Variants in DYTN observed in about 807,000 individuals in gnomAD.
DYTN encodes dystrotelin.
In DYTN, 75 loss-of-function variants were observed where a neutral mutation model predicts 69.6. The observed-to-expected ratio is 1.08, with a 90% CI of 0.89 to 1.31. The LOEUF (loss-of-function observed/expected upper bound fraction) is 1.31, where lower values mean the gene tolerates loss of function less well. DYTN is among the 50% of genes most tolerant of loss of function. DYTN has a pLI of 0.00. For missense variants in DYTN, 726 were observed against 688.4 expected, an observed-to-expected ratio of 1.05 and a Z score of -0.61; for synonymous variants, 252 against 249.1, an observed-to-expected ratio of 1.01 and a Z score of -0.11.
At chr2:206,662,275 A>G (rs1364071667) in intron 11 of DYTN, among the ~76,000 whole-genome samples, 3 of 152,220 alleles carry the variant, frequency 2.0e-5, no homozygotes, top group East Asian at 1.9e-4. Context: ...CTACCTAACA[A>G]TATTTTCAAC....
intron 11 of DYTN, among the ~76,000 whole-genome samples, chr2:206,653,049 G>A (rs1699405978): frequency 6.6e-6 from 1 of 152,012 alleles, no homozygotes; most frequent in Non-Finnish European, 1.5e-5. Context: ...GCTGTTTTTT[G>A]TTGAACATAA....
chr2:206,677,676 C>T (rs1051856340), intron 9 of DYTN, among the ~76,000 whole-genome samples: 1 of 151,934 alleles, frequency 6.6e-6, no homozygotes, highest in Non-Finnish European at 1.5e-5. Flanking sequence ...AAAGAAATTA[C>T]AAAGAAAAAG....
chr2:206,692,289 C>A (rs112177595), intron 9 of DYTN, among the ~76,000 whole-genome samples: 10 of 150,172 alleles, frequency 6.7e-5, no homozygotes, highest in African/African-American at 2.2e-4. Flanking sequence ...AAAAGTGTTT[C>A]TCTCCTTTAT....
chr2:206,655,416 T>G (rs1310952599), intron 11 of DYTN, among the ~76,000 whole-genome samples: 1 of 151,828 alleles, frequency 6.6e-6, no homozygotes, highest in Admixed American at 6.6e-5. Flanking sequence ...CAGCTAAATT[T>G]TCTTTTTCTT....
intron 7 of DYTN, among the ~76,000 whole-genome samples, chr2:206,698,494 C>A (rs1418993745): frequency 6.6e-6 from 1 of 152,172 alleles, no homozygotes; most frequent in Admixed American, 6.5e-5. Context: ...CGGGAACCCT[C>A]AGTTTTGCCT....
chr2:206,716,701 A>C (rs897524913), intron 1 of DYTN, among the ~76,000 whole-genome samples: 1 of 152,128 alleles, frequency 6.6e-6, no homozygotes, highest in Non-Finnish European at 1.5e-5. Flanking sequence ...AATAATTTAC[A>C]ATAGTGTAAT....
At chr2:206,707,791 T>TA (rs1453085017) in intron 2 of DYTN, among the ~76,000 whole-genome samples, 1 of 152,076 alleles carries the variant, frequency 6.6e-6, no homozygotes, top group Non-Finnish European at 1.5e-5. Flanking sequence ...AGAAAGAAGT[T>TA]AAAAAGGGAA....
chr2:206,652,326 ATACTGATGCGGCTAG>A (rs1699396628), intron 11 of DYTN, among the ~76,000 whole-genome samples: 1 of 152,142 alleles, frequency 6.6e-6, no homozygotes, highest in Admixed American at 6.5e-5. Flanking sequence ...TTCCCAGGTG[ATACTGATGCGGCTAG>A]TCCAGACACC....
chr2:206,652,003 A>T, intron 11 of DYTN, 82 bp from the exon 12 acceptor site: 1 of 1,252,698 alleles, frequency 8.0e-7, no homozygotes, highest in Non-Finnish European at 1.1e-6. Context: ...TCTCACATGG[A>T]GAAGAAACAG....
rs567071927 is a variant in DYTN, at chr2:206,684,140, AT to A, written c.980+9034del. Among the ~76,000 whole-genome samples the A allele has an allele frequency of 2.6e-3, 395 of 151,786 alleles. 1 individual carries two copies. Among genetic ancestry groups the A allele is most frequent in the Non-Finnish European group, 4.8e-3 (325 of 67,946 alleles). On this transcript the variant is annotated intron_variant, in intron 9 of 11. Transcript: ENST00000452335. ...CATTCAATAAACTTATTGAATAAAT[AT>A]TTTTCAGTGTATTTTCTGAAAATTC...
intron 9 of DYTN, among the ~76,000 whole-genome samples, chr2:206,673,710 C>T (rs757254722): frequency 8.5e-5 from 13 of 152,310 alleles, no homozygotes; most frequent in Admixed American, 2.6e-4. Context: ...TTAAAGATGA[C>T]AGGGTTGAAT....
At chr2:206,655,363 A>G (rs1240263257) in intron 11 of DYTN, among the ~76,000 whole-genome samples, 1 of 150,892 alleles carries the variant, frequency 6.6e-6, no homozygotes, top group Admixed American at 6.6e-5. Context: ...CTCTTGTCTC[A>G]GTCTCTTGAG....
chr2:206,692,057 T>A (rs1436689904), intron 9 of DYTN, among the ~76,000 whole-genome samples: 1 of 152,070 alleles, frequency 6.6e-6, no homozygotes, highest in Non-Finnish European at 1.5e-5. Flanking sequence ...GGAAAGTCAC[T>A]TGAGGCCAGG....
At chr2:206,657,005 G>A (rs887291508) in intron 11 of DYTN, among the ~76,000 whole-genome samples, 11 of 145,958 alleles carry the variant, frequency 7.5e-5, no homozygotes, top group Admixed American at 1.4e-4. Flanking sequence ...CAGGTGATCC[G>A]CCCACCTCGG....
chr2:206,680,465 GT>G (rs1486823621), intron 9 of DYTN, among the ~76,000 whole-genome samples: 2 of 152,114 alleles, frequency 1.3e-5, no homozygotes, highest in East Asian at 1.9e-4. Context: ...TATTTTAAAT[GT>G]TTTTTTAAAA....
chr2:206,688,384 A>T (rs752441424), intron 9 of DYTN, among the ~76,000 whole-genome samples: 3 of 152,164 alleles, frequency 2.0e-5, no homozygotes, highest in Non-Finnish European at 4.4e-5. Flanking sequence ...GCAATTCAGT[A>T]CCGTGCTTTG....
intron 9 of DYTN, among the ~76,000 whole-genome samples, chr2:206,688,525 T>G (rs1056394686): frequency 6.6e-6 from 1 of 152,242 alleles, no homozygotes; most frequent in African/African-American, 2.4e-5. Flanking sequence ...CTATCTGGTT[T>G]GACCTCAGCT....
At chr2:206,658,675 C>T (rs1559303850) in intron 11 of DYTN, among the ~76,000 whole-genome samples, 1 of 152,156 alleles carries the variant, frequency 6.6e-6, no homozygotes, top group African/African-American at 2.4e-5. Flanking sequence ...CCAATTGTTT[C>T]CCCCTGCAAA....
At chr2:206,660,476 C>T (rs1361443198) in intron 11 of DYTN, among the ~76,000 whole-genome samples, 1 of 152,162 alleles carries the variant, frequency 6.6e-6, no homozygotes, top group Non-Finnish European at 1.5e-5. Flanking sequence ...CAGCTTTCTC[C>T]AGCTCATTTA....
Sources: allele counts gnomAD v4.1 joint callset (sites outside exome capture counted in the v4.1 genomes callset), GRCh38; gene constraint gnomAD v4.1.1; transcripts MANE v1.5; gene names NCBI Gene and HGNC (gene_info 2026-07-23, HGNC 2026-07-21).